KAT6B: variants seen among roughly 807,000 people sequenced by gnomAD.
KAT6B encodes the protein histone acetyltransferase KAT6B.
KAT6B carries 10 observed loss-of-function variants against 187.5 expected under a neutral mutation model. The observed-to-expected ratio is 0.05, with a 90% CI of 0.03 to 0.09. KAT6B has a LOEUF of 0.09. Among genes scored for constraint, KAT6B ranks in the 10% least tolerant of loss-of-function variants. The pLI is 1.00. For missense variants in KAT6B, 1,952 were observed against 2,558.9 expected (o/e 0.76, Z 5.12); for synonymous variants, 861 against 926.8 (o/e 0.93, Z 1.29).
intron 13 of KAT6B, among the ~76,000 whole-genome samples, chr10:75,002,612 T>C (rs1160307549): frequency 6.6e-6 from 1 of 152,228 alleles, no homozygotes. Flanking sequence ...TGATTGCTCC[T>C]AGGTGACCAA....
chr10:74,860,919 C>G (rs187652878), intron 3 of KAT6B, among the ~76,000 whole-genome samples: 1 of 152,298 alleles, frequency 6.6e-6, no homozygotes, highest in South Asian at 2.1e-4. Flanking sequence ...GAGTGGATCA[C>G]CTGAGGTCAG....
intron 1 of KAT6B, among the ~76,000 whole-genome samples, chr10:74,838,303 T>C (rs1296950421): frequency 6.6e-6 from 1 of 152,226 alleles, no homozygotes; most frequent in Non-Finnish European, 1.5e-5. Context: ...CTTTTGACTG[T>C]CTTTTTTTCT....
chr10:74,972,736 C>A (rs1253031661), intron 7 of KAT6B, 97 bp downstream of exon 7: 2 of 1,186,080 alleles, frequency 1.7e-6, no homozygotes. Context: ...TTTTTGGCAT[C>A]ATTTTTTCAA....
At position 74,972,591 on chromosome 10, in the gene KAT6B, A is replaced by T; in HGVS notation, c.1013A>T (p.Tyr338Phe). 1 of 1,613,502 alleles carries T rather than the reference A, an allele frequency of 6.2e-7. No individual in the cohort carries two copies. The highest frequency in any genetic ancestry group is 8.5e-7 in the Non-Finnish European group (1 of 1,179,492). Residue 338 changes from tyrosine (Y) to phenylalanine (F), a missense_variant, in exon 7 of 18, where the codon TAT becomes TTT. Tyr to Phe is a conservative substitution (Grantham distance 22, BLOSUM62 3). This residue lies in a region of KAT6B where 417 missense variants were observed against 508.9 expected (regional missense o/e 0.82). Coordinates refer to ENST00000287239, the MANE Select transcript of KAT6B (RefSeq NM_012330.4). ...AAAGCTGCACAAATAAAACGACGAT[A>T]TGCAAAACCCATTGGACGACCGAAA... ...HEKAAQIKRR[Y>F]AKPIGRPKNK...
intron 3 of KAT6B, among the ~76,000 whole-genome samples, chr10:74,864,090 A>T (rs1420292089): frequency 6.6e-6 from 1 of 152,110 alleles, no homozygotes; most frequent in Non-Finnish European, 1.5e-5. Flanking sequence ...TTTTTTTGAG[A>T]CAGGGTCTCT....
chr10:74,954,762 C>A (rs1199283697), intron 3 of KAT6B, among the ~76,000 whole-genome samples: 1 of 152,182 alleles, frequency 6.6e-6, no homozygotes, highest in Non-Finnish European at 1.5e-5. Flanking sequence ...CTTTAAATGT[C>A]TATTAATCTA....
intron 3 of KAT6B, among the ~76,000 whole-genome samples, chr10:74,952,889 G>A (rs189017879): frequency 0.025 from 3,235 of 129,356 alleles, 138 homozygotes; most frequent in African/African-American, 0.088. Context: ...TAGTAGAGCC[G>A]AGGTTTCACC....
chr10:74,872,346 A>G (rs1844055545), intron 3 of KAT6B, among the ~76,000 whole-genome samples: 1 of 152,128 alleles, frequency 6.6e-6, no homozygotes, highest in Non-Finnish European at 1.5e-5. Flanking sequence ...TACATGACCT[A>G]AATAAAGGTC....
At chr10:74,969,178 G>A (rs1223253675) in intron 4 of KAT6B, among the ~76,000 whole-genome samples, 1 of 152,152 alleles carries the variant, frequency 6.6e-6, no homozygotes, top group Non-Finnish European at 1.5e-5. Context: ...GTGGGGGAGG[G>A]CATCTGTAGT....
At position 75,031,516 on chromosome 10, in the gene KAT6B, A is replaced by G. The variant is rs1334414881; in HGVS notation, c.*470A>G. ...TCAGCATGCCGCTAATGTCTTTGTT[A>G]GTGACAGTGCATTTTGTAGTACTGT... On this transcript the variant is annotated 3_prime_UTR_variant, in exon 18 of 18. Transcript: ENST00000287239. 3.4e-6 allele frequency: 1 copy of G among 290,022 alleles called. No individual in the cohort carries two copies. Among genetic ancestry groups the G allele is most frequent in the Non-Finnish European group, 6.5e-6 (1 of 153,688 alleles). 18.0% of individuals were successfully genotyped at this position (290,022 alleles called of 1,614,324 possible). A position where few individuals can be genotyped will look rare whatever the true frequency, so the allele number is the denominator to read the frequency against.
At chr10:74,854,599 A>G (rs1335941467) in intron 3 of KAT6B, among the ~76,000 whole-genome samples, 1 of 152,152 alleles carries the variant, frequency 6.6e-6, no homozygotes, top group African/African-American at 2.4e-5. Context: ...AGTAAATACT[A>G]ATCACTGGTC....
At chr10:74,903,665 G>A (rs1036156729) in intron 3 of KAT6B, among the ~76,000 whole-genome samples, 1 of 152,210 alleles carries the variant, frequency 6.6e-6, no homozygotes, top group African/African-American at 2.4e-5. Flanking sequence ...GGCTCTGTGA[G>A]ACCCTAAGCA....
At chr10:74,879,921 C>G (rs1041154234) in intron 3 of KAT6B, among the ~76,000 whole-genome samples, 1 of 152,110 alleles carries the variant, frequency 6.6e-6, no homozygotes, top group Non-Finnish European at 1.5e-5. Context: ...ACGGTGAAAC[C>G]CCGTCTCTAC....
At chr10:74,841,761 T>G (rs890063904) in intron 2 of KAT6B, among the ~76,000 whole-genome samples, 1 of 152,202 alleles carries the variant, frequency 6.6e-6, no homozygotes, top group African/African-American at 2.4e-5. Flanking sequence ...ATGTTATCAT[T>G]GGACACCAAG....
At chr10:74,936,070 C>CT (rs1428922095) in intron 3 of KAT6B, among the ~76,000 whole-genome samples, 4 of 151,954 alleles carry the variant, frequency 2.6e-5, no homozygotes, top group Admixed American at 2.0e-4. Context: ...TGATTTGTTG[C>CT]TTTTGTTTTC....
At chr10:74,964,055 C>T (rs960370904) in intron 4 of KAT6B, among the ~76,000 whole-genome samples, 7 of 152,126 alleles carry the variant, frequency 4.6e-5, no homozygotes, top group Non-Finnish European at 7.4e-5. Flanking sequence ...GGCTTGAAGC[C>T]GGGAGGCGGA....
At chr10:74,905,051 T>C (rs1846660837) in intron 3 of KAT6B, among the ~76,000 whole-genome samples, 3 of 152,186 alleles carry the variant, frequency 2.0e-5, no homozygotes, top group Admixed American at 2.0e-4. Context: ...GAAGAAGGGT[T>C]TTTATTTCTT....
intron 3 of KAT6B, among the ~76,000 whole-genome samples, chr10:74,940,351 C>T (rs1849577968): frequency 6.6e-6 from 1 of 150,396 alleles, no homozygotes; most frequent in Admixed American, 6.6e-5. Flanking sequence ...TCTCAGCTCA[C>T]TGCAACCTCC....
chr10:75,010,876 C>T (rs111707063), intron 13 of KAT6B, among the ~76,000 whole-genome samples: 2,038 of 152,270 alleles, frequency 0.013, 56 homozygotes, highest in African/African-American at 0.047. Context: ...AATGTTCAAT[C>T]GCAGTGTTTT....
Sources: allele counts gnomAD v4.1 joint callset (sites outside exome capture counted in the v4.1 genomes callset), GRCh38; gene constraint gnomAD v4.1.1; regional missense constraint gnomAD v4.1.1; transcripts MANE v1.5; gene names NCBI Gene and HGNC (gene_info 2026-07-23, HGNC 2026-07-21).